TTLL11: variants seen among roughly 807,000 people sequenced by gnomAD.
The protein encoded by TTLL11 is tubulin tyrosine ligase like 11.
In TTLL11, 42 loss-of-function variants were observed where a neutral mutation model predicts 51.7. That is an observed-to-expected ratio of 0.81 (90% CI 0.64 to 1.05). The LOEUF is 1.05. TTLL11 is among the 50% of genes least tolerant of loss of function. TTLL11 has a pLI of 0.00. For missense variants in TTLL11, 799 were observed against 940.4 expected (o/e 0.85, Z 1.97); for synonymous variants, 381 against 383.5 (o/e 0.99, Z 0.08).
chr9:122,048,598 C>T (rs575751100), intron 1 of TTLL11, among the ~76,000 whole-genome samples: 1 of 152,298 alleles, frequency 6.6e-6, no homozygotes, highest in South Asian at 2.1e-4. Flanking sequence ...TCACAGACTC[C>T]CCTCTGCCAA....
chr9:122,007,520 AG>A (rs1843691620), intron 3 of TTLL11, among the ~76,000 whole-genome samples: 1 of 152,032 alleles, frequency 6.6e-6, no homozygotes, highest in Non-Finnish European at 1.5e-5. Context: ...AAAAGGATTC[AG>A]GCCCCCATGG....
chr9:121,827,093 T>A (rs1227064612), intron 8 of TTLL11, among the ~76,000 whole-genome samples: 4 of 152,316 alleles, frequency 2.6e-5, no homozygotes, highest in Admixed American at 1.3e-4. Flanking sequence ...AACAGTCTGA[T>A]CACATTTTCT....
intron 1 of TTLL11, among the ~76,000 whole-genome samples, chr9:122,079,810 C>CA (rs1039900124): frequency 1.4e-4 from 21 of 151,650 alleles, no homozygotes; most frequent in Admixed American, 6.6e-4. Flanking sequence ...TCAGGGATGA[C>CA]ATAAGGAGTT....
intron 1 of TTLL11, among the ~76,000 whole-genome samples, chr9:122,053,590 C>T (rs1248661484): frequency 6.6e-6 from 1 of 151,988 alleles, no homozygotes; most frequent in African/African-American, 2.4e-5. Flanking sequence ...TAGAGAGAGA[C>T]TGAGAGCAGC....
chr9:121,986,283 C>T (rs1842938164), intron 4 of TTLL11, among the ~76,000 whole-genome samples: 1 of 152,204 alleles, frequency 6.6e-6, no homozygotes, highest in African/African-American at 2.4e-5. Flanking sequence ...AAACAACCAG[C>T]CTGGCCCTCC....
Position 122,062,949 on chromosome 9 carries a change from T to C in TTLL11, c.463-23581A>G, listed in dbSNP as rs1462479443. ...TGCATGCCACCACGCCTGGCTAATT[T>C]TGTTTATTGTTTGTAGAGACAGGAT... On this transcript the variant is annotated intron_variant, in intron 1 of 8. Coordinates refer to ENST00000321582, the MANE Select transcript of TTLL11 (RefSeq NM_001139442.2). Among the ~76,000 whole-genome samples the C allele has an allele frequency of 5.3e-5, 8 of 152,242 alleles. No homozygotes were observed. The South Asian group carries it at 1.5e-3, about 28-fold the overall frequency.
Position 121,870,548 on chromosome 9 carries a change from C to A in TTLL11, c.1682G>T (p.Gly561Val), listed in dbSNP as rs1422560353. 3 of 1,551,536 alleles carry A rather than the reference C, an allele frequency of 1.9e-6. No individual in the cohort carries two copies. The highest frequency in any genetic ancestry group is 1.4e-5 in the African/African-American group (1 of 73,014). ...CCCCAACTTCATTGTCCCCTTGATG[C>A]CCAGGAACCGGATAAACAAATTTGC... ...RMANLFIRFL[G>V]IKGTMKLGPT... The change falls in exon 7 of 9, where the codon GGC (glycine) becomes GTC (valine). Residue 561 changes from glycine (G) to valine (V), a missense_variant. Physicochemically the swap from Gly to Val is moderately radical, Grantham distance 109 (BLOSUM62 -3). This residue lies in a region of TTLL11 where 468 missense variants were observed against 612.8 expected (regional missense o/e 0.76). Coordinates refer to ENST00000321582, the MANE Select transcript of TTLL11 (RefSeq NM_001139442.2).
intron 6 of TTLL11, among the ~76,000 whole-genome samples, chr9:121,960,933 C>T (rs1211431529): frequency 6.6e-6 from 1 of 152,152 alleles, no homozygotes; most frequent in Non-Finnish European, 1.5e-5. Flanking sequence ...TCCCACCTCT[C>T]TCATTAGCCT....
intron 7 of TTLL11, among the ~76,000 whole-genome samples, chr9:121,866,674 G>GAAAGA (rs1238387790): frequency 5.2e-5 from 7 of 134,190 alleles, no homozygotes; most frequent in South Asian, 2.4e-4. Flanking sequence ...AAAAAAAAAA[G>GAAAGA]AAAGAAAAGA....
intron 6 of TTLL11, among the ~76,000 whole-genome samples, chr9:121,919,120 A>T (rs1034125030): frequency 6.6e-6 from 1 of 152,268 alleles, no homozygotes; most frequent in Non-Finnish European, 1.5e-5. Flanking sequence ...ACAAAAAGGT[A>T]AATGTCCACC....
intron 3 of TTLL11, among the ~76,000 whole-genome samples, chr9:122,013,530 T>A (rs1459306904): frequency 6.6e-6 from 1 of 152,186 alleles, no homozygotes; most frequent in Admixed American, 6.5e-5. Flanking sequence ...TTGATAGATA[T>A]GAATCTTTCT....
At chr9:122,091,518 G>C (rs757667032) in intron 1 of TTLL11, among the ~76,000 whole-genome samples, 1 of 152,100 alleles carries the variant, frequency 6.6e-6, no homozygotes, top group Non-Finnish European at 1.5e-5. Context: ...CCTGATCCTT[G>C]ACTTCCCTCC....
Position 121,834,256 on chromosome 9 carries a change from A to G in TTLL11, c.1841-11377T>C, listed in dbSNP as rs140702943. Among the ~76,000 whole-genome samples the G allele has an allele frequency of 7.1e-4, 108 of 152,114 alleles. No individual in the cohort carries two copies. The East Asian group carries it at 0.02, about 28-fold the overall frequency. On this transcript the variant is annotated intron_variant, in intron 8 of 8. Transcript: ENST00000321582. ...CACGGTTCCCCTAGACTTGACCACA[A>G]TCTCTCTAGGCCTGGGGCTGGGGTC...
At chr9:121,934,715 A>G (rs1209459488) in intron 6 of TTLL11, among the ~76,000 whole-genome samples, 2 of 152,222 alleles carry the variant, frequency 1.3e-5, no homozygotes, top group African/African-American at 4.8e-5. Context: ...AACAGTCCCT[A>G]CAGCCTTACT....
chr9:122,051,410 C>T (rs76946167), intron 1 of TTLL11, among the ~76,000 whole-genome samples: 1,826 of 152,304 alleles, frequency 0.012, 31 homozygotes, highest in African/African-American at 0.042. Context: ...CAGTTTCTGC[C>T]TTGGCATCCA....
chr9:122,005,230 G>A (rs922251472), intron 3 of TTLL11, among the ~76,000 whole-genome samples: 2 of 152,152 alleles, frequency 1.3e-5, no homozygotes, highest in African/African-American at 2.4e-5. Flanking sequence ...TTCACTCGGC[G>A]GGGGAGTGGC....
intron 1 of TTLL11, among the ~76,000 whole-genome samples, chr9:122,089,441 G>C (rs891755476): frequency 6.6e-6 from 1 of 152,170 alleles, no homozygotes. Flanking sequence ...CACTTTGTTA[G>C]TACCAGGGAT....
chr9:121,835,549 T>C (rs1251024715), intron 8 of TTLL11, among the ~76,000 whole-genome samples: 1 of 152,238 alleles, frequency 6.6e-6, no homozygotes, highest in Admixed American at 6.5e-5. Context: ...ACCTTTGTCC[T>C]TGGCCGGATG....
chr9:122,092,923 C>A lies in TTLL11; in HGVS notation c.226G>T (p.Gly76Trp). ...GGCCGCTGAAGGACCTGGGTGTTCCCCTCCTCAGCCGCACTGGGCTGCGCC... is the reference window on the plus strand; with the variant it reads ...GGCCGCTGAAGGACCTGGGTGTTCCACTCCTCAGCCGCACTGGGCTGCGCC... ...APAQPSAAEE[G>W]NTQVLQRPPP... The change falls in exon 1 of 9, where the codon GGG becomes TGG. Residue 76 changes from glycine (G) to tryptophan (W), a missense_variant. By Grantham distance (184) the Gly-to-Trp change is radical. Around this residue, in one of 3 missense-constraint regions of TTLL11, gnomAD observed 166 missense variants for 161.6 expected, o/e 1.03. Coordinates refer to ENST00000321582, the MANE Select transcript of TTLL11 (RefSeq NM_001139442.2). 2 of 1,579,860 alleles carry A rather than the reference C, an allele frequency of 1.3e-6. No homozygotes were observed. Among genetic ancestry groups the A allele is most frequent in the South Asian group, 1.2e-5 (1 of 86,934 alleles).
Sources: gnomAD v4.1 joint callset for allele counts (sites outside exome capture counted in the v4.1 genomes callset) on GRCh38, gnomAD v4.1.1 for gene constraint, gnomAD v4.1.1 regional missense constraint, MANE v1.5 for transcripts, NCBI Gene and HGNC (gene_info 2026-07-23, HGNC 2026-07-21) for gene names.